Variants in GSDMC observed in about 807,000 individuals in gnomAD.
The protein encoded by GSDMC is gasdermin C, also known as gasdermin-C.
Under a neutral mutation model 58.0 loss-of-function variants are expected in GSDMC, and 59 were observed. The observed-to-expected ratio is 1.02, with a 90% CI of 0.82 to 1.26. The LOEUF is 1.26. Among genes scored for constraint, GSDMC ranks in the 50% most tolerant of loss-of-function variants. GSDMC has a pLI of 0.00. For missense variants in GSDMC, 659 were observed against 598.5 expected (o/e 1.10, Z -1.06); for synonymous variants, 241 against 220.2 (o/e 1.09, Z -0.83).
chr8:129,781,562 G>A (rs781120000), intron 1 of GSDMC, among the ~76,000 whole-genome samples: 61 of 152,218 alleles, frequency 4.0e-4, no homozygotes, highest in Non-Finnish European at 7.2e-4. Flanking sequence ...GGCTAACACG[G>A]TGAAACCCTG....
At chr8:129,735,618 A>T in the GSDMC span, among the ~76,000 whole-genome samples, 1 of 152,144 alleles carries the variant, frequency 6.6e-6, no homozygotes, top group Admixed American at 6.5e-5. Flanking sequence ...TGAGAAAAAA[A>T]ACACAATGTA....
chr8:129,730,023 A>G, the GSDMC span: 3 of 1,330,658 alleles, frequency 2.3e-6, no homozygotes, highest in Non-Finnish European at 3.2e-6. Flanking sequence ...AAGAAGAAAA[A>G]GGATGAGAAG....
chr8:129,727,023 C>CACACACAA, the GSDMC span, among the ~76,000 whole-genome samples: 1 of 150,324 alleles, frequency 6.7e-6, no homozygotes, highest in East Asian at 2.0e-4. Flanking sequence ...CACACACACA[C>CACACACAA]ACCTATTCAC....
intron 3 of GSDMC, among the ~76,000 whole-genome samples, chr8:129,772,505 G>A (rs1033722790): frequency 6.6e-6 from 1 of 151,958 alleles, no homozygotes; most frequent in Non-Finnish European, 1.5e-5. Flanking sequence ...ATTAAATACC[G>A]ACAAACTGGG....
At chr8:129,743,272 C>T (rs1200394231), downstream of GSDMC, among the ~76,000 whole-genome samples, 1 of 152,058 alleles carries the variant, frequency 6.6e-6, no homozygotes, top group Non-Finnish European at 1.5e-5. Flanking sequence ...AAGGTCTTTG[C>T]ACTTTTTGTT....
rs775288420 is a variant in GSDMC, at chr8:129,776,197, C to T, written c.309G>A (p.Val103=). Residue 103 remains valine (V), a synonymous_variant, in exon 3 of 14, where the codon GTG becomes GTA. Coordinates refer to ENST00000276708, the MANE Select transcript of GSDMC (RefSeq NM_031415.3). ...CCACAGAGGCCTCCCCTGACACACT[C>T]ACTTCTATACCAACATTCACACCCA... ...ADMGVNVGIE[V]SVSGEASVDH... The T allele has an allele frequency of 6.2e-7, 1 of 1,613,800 alleles. No individual in the cohort carries two copies. Among genetic ancestry groups the T allele is most frequent in the South Asian group, 1.1e-5 (1 of 91,064 alleles).
At chr8:129,707,448 A>C in the GSDMC span, among the ~76,000 whole-genome samples, 1 of 152,116 alleles carries the variant, frequency 6.6e-6, no homozygotes, top group South Asian at 2.1e-4. Flanking sequence ...TTGTTACTCA[A>C]TATCATTCTA....
At chr8:129,718,724 C>T in the GSDMC span, among the ~76,000 whole-genome samples, 1 of 152,196 alleles carries the variant, frequency 6.6e-6, no homozygotes, top group Non-Finnish European at 1.5e-5. Flanking sequence ...GATAAAGACA[C>T]ATGCACACAT....
intron 7 of GSDMC, 59 bp downstream of exon 7, chr8:129,752,639 T>A: frequency 6.3e-7 from 1 of 1,593,786 alleles, no homozygotes; most frequent in Non-Finnish European, 8.5e-7. Flanking sequence ...TTTTAACAAC[T>A]ATCTGCACAA....
the GSDMC span, among the ~76,000 whole-genome samples, chr8:129,743,032 A>T: frequency 6.6e-6 from 1 of 152,012 alleles, no homozygotes; most frequent in Non-Finnish European, 1.5e-5. Flanking sequence ...CCTGCTTTTA[A>T]AGTTATCCCT....
At chr8:129,751,467 G>T in intron 10 of GSDMC, 75 bp downstream of exon 10, 2 of 1,292,800 alleles carry the variant, frequency 1.5e-6, no homozygotes, top group Non-Finnish European at 1.1e-6. Context: ...GACTTGCATA[G>T]AAACCACCAA....
the GSDMC span, among the ~76,000 whole-genome samples, chr8:129,709,590 T>TGATAGATAGATA: frequency 7.8e-4 from 114 of 146,144 alleles, no homozygotes; most frequent in Middle Eastern, 3.6e-3. Context: ...GATAGATAGA[T>TGATAGATAGATA]GATAGATAGA....
intron 5 of GSDMC, among the ~76,000 whole-genome samples, chr8:129,761,792 A>AGTC (rs1286236921): frequency 6.6e-6 from 1 of 152,172 alleles, no homozygotes; most frequent in East Asian, 1.9e-4. Context: ...CAGAAGCCAG[A>AGTC]GTCCTCTAAC....
chr8:129,730,944 G>C, the GSDMC span, among the ~76,000 whole-genome samples: 1 of 152,020 alleles, frequency 6.6e-6, no homozygotes, highest in Admixed American at 6.5e-5. Flanking sequence ...AGTAGACAAA[G>C]GAAAATCATC....
intron 5 of GSDMC, among the ~76,000 whole-genome samples, chr8:129,761,715 A>C (rs2033668259): frequency 6.6e-6 from 1 of 152,086 alleles, no homozygotes; most frequent in African/African-American, 2.4e-5. Flanking sequence ...ACCTCTCCTG[A>C]GAGTGGGAAT....
chr8:129,756,083 A>C (rs1312782969), intron 6 of GSDMC, among the ~76,000 whole-genome samples: 1 of 151,884 alleles, frequency 6.6e-6, no homozygotes, highest in African/African-American at 2.4e-5. Context: ...AAAAAACAAG[A>C]TTCCATGATC....
chr8:129,762,192 C>T lies in GSDMC; in HGVS notation c.676+434G>A, dbSNP rs140638194. Among the ~76,000 whole-genome samples, 7 of 152,222 alleles carry T rather than the reference C, an allele frequency of 4.6e-5. No individual in the cohort carries two copies. The East Asian group carries it at 9.6e-4, about 21-fold the overall frequency. On this transcript the variant is annotated intron_variant, in intron 5 of 13. Transcript: ENST00000276708. ...ATTCTGACTTATGTTCTTAGGACATCGTGTCTGCAGTTTTGTTTGTGATTG... is the reference window on the plus strand; with the variant it reads ...ATTCTGACTTATGTTCTTAGGACATTGTGTCTGCAGTTTTGTTTGTGATTG...
intron 6 of GSDMC, among the ~76,000 whole-genome samples, chr8:129,757,728 C>T (rs2130402785): frequency 6.6e-6 from 1 of 152,264 alleles, no homozygotes; most frequent in African/African-American, 2.4e-5. Context: ...GTCATGATCA[C>T]ACCTGCAATC....
chr8:129,782,809 A>T (rs2034451751), intron 1 of GSDMC, among the ~76,000 whole-genome samples: 1 of 152,112 alleles, frequency 6.6e-6, no homozygotes, highest in Non-Finnish European at 1.5e-5. Flanking sequence ...AATCCTATTC[A>T]AACTATGTTT....
Sources: allele counts gnomAD v4.1 joint callset (sites outside exome capture counted in the v4.1 genomes callset), GRCh38; gene constraint gnomAD v4.1.1; transcripts MANE v1.5; gene names NCBI Gene and HGNC (gene_info 2026-07-23, HGNC 2026-07-21).